Variants in NAALADL2 observed in about 807,000 individuals in gnomAD.
The protein encoded by NAALADL2 is inactive N-acetylated-alpha-linked acidic dipeptidase-like protein 2.
Under a neutral mutation model 87.2 loss-of-function variants are expected in NAALADL2, and 76 were observed. That is an observed-to-expected ratio of 0.87 (90% CI 0.72 to 1.05). The LOEUF (loss-of-function observed/expected upper bound fraction) is 1.05, where lower values mean the gene tolerates loss of function less well. Among genes scored for constraint, NAALADL2 ranks in the 50% least tolerant of loss-of-function variants. The probability of loss-of-function intolerance (pLI) is 0.00; values close to 1 mark genes in which losing one functional copy is unlikely to be tolerated. For synonymous variants in NAALADL2, 354 were observed against 331.0 expected, an observed-to-expected ratio of 1.07 and a Z score of -0.75; for missense variants, 1,089 against 945.8, an observed-to-expected ratio of 1.15 and a Z score of -1.99.
At chr3:174,937,686 C>A (rs1303797340) in intron 1 of NAALADL2, among the ~76,000 whole-genome samples, 4 of 152,014 alleles carry the variant, frequency 2.6e-5, no homozygotes, top group Admixed American at 6.6e-5. Context: ...TATTGCTGAT[C>A]TCATCTGGTT....
intron 4 of NAALADL2, among the ~76,000 whole-genome samples, chr3:175,257,926 G>T (rs1750293509): frequency 6.6e-6 from 1 of 152,052 alleles, no homozygotes; most frequent in Admixed American, 6.6e-5. Context: ...TCATATTGTT[G>T]AGGTAGGGAC....
chr3:174,827,926 T>A (rs1037420416), intron 3 of NAALADL2, among the ~76,000 whole-genome samples: 1 of 152,178 alleles, frequency 6.6e-6, no homozygotes, highest in African/African-American at 2.4e-5. Flanking sequence ...CTCATGCCTG[T>A]AATCTCAGCA....
At chr3:174,879,037 G>A (rs1728867877) in intron 1 of NAALADL2, among the ~76,000 whole-genome samples, 1 of 118,514 alleles carries the variant, frequency 8.4e-6, no homozygotes, top group Non-Finnish European at 1.9e-5. Context: ...AAAATTTATA[G>A]CTTTTCCAGT....
chr3:175,464,386 T>C (rs1723654879), intron 7 of NAALADL2, among the ~76,000 whole-genome samples: 1 of 148,974 alleles, frequency 6.7e-6, no homozygotes, highest in Non-Finnish European at 1.5e-5. Context: ...ATTATGCCAC[T>C]GCTCTCTAGC....
intron 1 of NAALADL2, among the ~76,000 whole-genome samples, chr3:174,962,016 G>A (rs2108560528): frequency 6.6e-6 from 1 of 152,066 alleles, no homozygotes; most frequent in South Asian, 2.1e-4. Context: ...AAAAGACCAT[G>A]AAGATTTTGT....
At chr3:174,913,940 A>G (rs571132570) in intron 1 of NAALADL2, among the ~76,000 whole-genome samples, 1 of 152,262 alleles carries the variant, frequency 6.6e-6, no homozygotes, top group South Asian at 2.1e-4. Flanking sequence ...TCCCAGCCTA[A>G]GAAAAACAAA....
At chr3:174,932,773 G>C (rs1430312007) in intron 1 of NAALADL2, among the ~76,000 whole-genome samples, 2 of 152,130 alleles carry the variant, frequency 1.3e-5, no homozygotes, top group Non-Finnish European at 2.9e-5. Flanking sequence ...ATAGTGATAT[G>C]GTCAAGATTA....
At chr3:175,507,600 T>C (rs1381415104) in intron 9 of NAALADL2, among the ~76,000 whole-genome samples, 1 of 152,118 alleles carries the variant, frequency 6.6e-6, no homozygotes, top group East Asian at 1.9e-4. Context: ...TTTTTTGTAC[T>C]TTTAGTAGAG....
At chr3:174,823,236 T>C (rs1310313657) in intron 3 of NAALADL2, among the ~76,000 whole-genome samples, 2 of 152,072 alleles carry the variant, frequency 1.3e-5, no homozygotes, top group East Asian at 3.9e-4. Flanking sequence ...GTTTCTTTCC[T>C]CTTCTTTTTT....
chr3:175,589,139 G>A (rs988338710), intron 10 of NAALADL2, among the ~76,000 whole-genome samples: 1 of 152,164 alleles, frequency 6.6e-6, no homozygotes, highest in Non-Finnish European at 1.5e-5. Flanking sequence ...AGAAGGGAGT[G>A]TTGGTTAAGA....
At chr3:175,735,368 G>A (rs1252429132) in intron 11 of NAALADL2, among the ~76,000 whole-genome samples, 1 of 152,108 alleles carries the variant, frequency 6.6e-6, no homozygotes, top group Non-Finnish European at 1.5e-5. Flanking sequence ...CTGTTCCAAT[G>A]TCTCCCTATT....
At chr3:175,237,900 C>T (rs1248233522) in intron 3 of NAALADL2, among the ~76,000 whole-genome samples, 4 of 152,024 alleles carry the variant, frequency 2.6e-5, no homozygotes, top group Non-Finnish European at 4.4e-5. Flanking sequence ...CAATGCACGC[C>T]TATGTCTAAG....
At chr3:174,790,966 G>T (rs114966218) in intron 3 of NAALADL2, among the ~76,000 whole-genome samples, 2 of 152,040 alleles carry the variant, frequency 1.3e-5, no homozygotes, top group Non-Finnish European at 2.9e-5. Context: ...TACATTTTGC[G>T]TTTTGGAGTT....
At chr3:175,556,293 G>A (rs1715250587) in intron 9 of NAALADL2, among the ~76,000 whole-genome samples, 1 of 151,972 alleles carries the variant, frequency 6.6e-6, no homozygotes, top group African/African-American at 2.4e-5. Context: ...GGTTCTACTG[G>A]AGCCTCTACT....
chr3:174,594,393 G>T (rs372788059), intron 2 of NAALADL2, among the ~76,000 whole-genome samples: 1 of 152,204 alleles, frequency 6.6e-6, no homozygotes, highest in South Asian at 2.1e-4. Context: ...TTATGACATC[G>T]TTGGGAAGAT....
intron 3 of NAALADL2, among the ~76,000 whole-genome samples, chr3:174,788,134 C>T (rs1717028410): frequency 6.6e-6 from 1 of 152,054 alleles, no homozygotes; most frequent in South Asian, 2.1e-4. Flanking sequence ...GAATTCAAGA[C>T]CTAACATGAC....
At chr3:175,225,804 C>T (rs1352198877) in intron 2 of NAALADL2, among the ~76,000 whole-genome samples, 1 of 152,018 alleles carries the variant, frequency 6.6e-6, no homozygotes, top group Non-Finnish European at 1.5e-5. Flanking sequence ...CGTGAGTCTG[C>T]TTTCAGATAC....
intron 5 of NAALADL2, among the ~76,000 whole-genome samples, chr3:175,442,568 G>C (rs1009822114): frequency 2.0e-5 from 3 of 152,266 alleles, no homozygotes; most frequent in Admixed American, 2.0e-4. Context: ...TAGTATCGTA[G>C]TGAAATTATT....
intron 1 of NAALADL2, among the ~76,000 whole-genome samples, chr3:174,965,402 C>T (rs987996024): frequency 6.6e-6 from 1 of 152,132 alleles, no homozygotes. Flanking sequence ...CATTATGTCA[C>T]TAAGGCGATT....
Sources: allele counts gnomAD v4.1 joint callset (sites outside exome capture counted in the v4.1 genomes callset), GRCh38; gene constraint gnomAD v4.1.1; transcripts MANE v1.5; gene names NCBI Gene and HGNC (gene_info 2026-07-23, HGNC 2026-07-21).